The following CIT variants were observed in gnomAD, a reference collection of about 807,000 sequenced individuals.
CIT encodes the protein citron rho-interacting serine/threonine kinase.
CIT carries 79 observed loss-of-function variants against 272.7 expected under a neutral mutation model. That is an observed-to-expected ratio of 0.29 (90% confidence interval 0.24 to 0.35). The LOEUF (loss-of-function observed/expected upper bound fraction) is 0.35. CIT is among the 10% of genes least tolerant of loss of function. The pLI, the probability that CIT is intolerant of heterozygous loss-of-function variation, is 1.00. For synonymous variants in CIT, 948 were observed against 995.6 expected (o/e 0.95, Z 0.90); for missense variants, 1,909 against 2,618.3 (o/e 0.73, Z 5.91).
At chr12:119,803,625 G>A (rs941594192) in intron 9 of CIT, 1 of 367,924 alleles carries the variant, frequency 2.7e-6, no homozygotes, top group Non-Finnish European at 4.9e-6. Flanking sequence ...AAACTGAAGA[G>A]CAAACTCAAA....
At chr12:119,708,145 C>A in intron 40 of CIT, 34 bp downstream of exon 40, 1 of 1,472,652 alleles carries the variant, frequency 6.8e-7, no homozygotes, top group Admixed American at 2.4e-5. Context: ...ATTTCCAGAA[C>A]ATTCCACCAG....
In CIT at chr12:119,782,617, C is replaced by T. The variant is rs1400425835; in HGVS notation, c.1566G>A (p.Glu522=). ...CCTGGGACACCTCCATCCGTGCTTG[C>T]TCCAAACTTCGCTTTAAGCTCTGCA... ...TECSSLKRSL[E]QARMEVSQED... The change falls in exon 13 of 48, where the codon GAG becomes GAA. Residue 522 remains glutamate, a synonymous_variant. Coordinates refer to ENST00000392521, the MANE Select transcript of CIT (RefSeq NM_001206999.2). 1.2e-6 allele frequency: 2 copies of T among 1,614,094 alleles called. No individual in the cohort carries two copies. Among genetic ancestry groups the T allele is most frequent in the African/African-American group, 2.7e-5 (2 of 74,942 alleles).
chr12:119,830,231 T>TATTC (rs1968511382), intron 7 of CIT, among the ~76,000 whole-genome samples: 1 of 151,516 alleles, frequency 6.6e-6, no homozygotes, highest in Non-Finnish European at 1.5e-5. Flanking sequence ...AGAGAGGCAA[T>TATTC]ATTCTCAAGT....
At chr12:119,800,425 T>TA in intron 10 of CIT, among the ~76,000 whole-genome samples, 1 of 152,238 alleles carries the variant, frequency 6.6e-6, no homozygotes, top group East Asian at 1.9e-4. Context: ...CTCAATGGCT[T>TA]AAAAATAGTC....
chr12:119,792,819 G>A (rs1025284799), intron 10 of CIT, among the ~76,000 whole-genome samples: 3 of 152,102 alleles, frequency 2.0e-5, no homozygotes, highest in Admixed American at 6.5e-5. Flanking sequence ...AATGGTGGCC[G>A]GGTGTGGTGG....
At chr12:119,711,698 C>G (rs1215758746) in intron 37 of CIT, among the ~76,000 whole-genome samples, 1 of 152,186 alleles carries the variant, frequency 6.6e-6, no homozygotes, top group Non-Finnish European at 1.5e-5. Context: ...CTCTGTTGCC[C>G]AGGCTGGAGT....
chr12:119,759,465 G>C (rs759913427), intron 20 of CIT, among the ~76,000 whole-genome samples: 1 of 152,152 alleles, frequency 6.6e-6, no homozygotes, highest in Non-Finnish European at 1.5e-5. Context: ...GGCCAACATG[G>C]AGAAATGCTG....
At chr12:119,783,842 A>G in intron 12 of CIT, 66 bp downstream of exon 12, 1 of 1,503,090 alleles carries the variant, frequency 6.7e-7, no homozygotes, top group Non-Finnish European at 8.9e-7. Flanking sequence ...CCATCATGAA[A>G]CAGGATGAGA....
At chr12:119,788,566 C>G (rs146340751) in intron 10 of CIT, among the ~76,000 whole-genome samples, 11 of 152,240 alleles carry the variant, frequency 7.2e-5, no homozygotes, top group Admixed American at 7.2e-4. Context: ...TAGGATGTGG[C>G]GTGAAAAACT....
chr12:119,804,119 G>T lies in CIT; in HGVS notation c.1112-730C>A. The T allele has an allele frequency of 9.3e-6, 9 of 969,590 alleles. No individual in the cohort carries two copies. Among genetic ancestry groups the T allele is most frequent in the South Asian group, 4.8e-5 (1 of 20,940 alleles). 60.1% of individuals were successfully genotyped at this position (969,590 alleles called of 1,614,324 possible). The stretch of plus-strand genomic sequence containing the variant: ...TACCGGTGATCTACAGCACCCCTGC[G>T]CGCTGACGGTGGGAATGCACGGATG... On this transcript the variant is annotated intron_variant, in intron 9 of 47. Coordinates refer to ENST00000392521, the MANE Select transcript of CIT (RefSeq NM_001206999.2). This position sits in a 1 kb window ranked among gnomAD's most constrained non-coding sequence, Gnocchi z 5.3.
Position 119,694,749 on chromosome 12 carries a change from G to A in CIT, c.5882+2910C>T, listed in dbSNP as rs1330175597. On this transcript the variant is annotated intron_variant, in intron 46 of 47. Transcript: ENST00000392521. The surrounding 1 kb of genome is among the most constrained non-coding windows in gnomAD (Gnocchi z 4.5). ...TTGAGCCCAGGAGGCGGAGGTTGCAGTGAGCCGAGATCACGCCACTGTGCT... is the reference window on the plus strand; with the variant it reads ...TTGAGCCCAGGAGGCGGAGGTTGCAATGAGCCGAGATCACGCCACTGTGCT... 6.6e-6 allele frequency among the ~76,000 whole-genome samples: 1 copy of A among 152,152 alleles called. No individual in the cohort carries two copies. Among genetic ancestry groups the A allele is most frequent in the African/African-American group, 2.4e-5 (1 of 41,418 alleles).
intron 24 of CIT, among the ~76,000 whole-genome samples, chr12:119,736,350 G>A (rs1388984187): frequency 6.7e-6 from 1 of 149,748 alleles, no homozygotes; most frequent in African/African-American, 2.4e-5. Flanking sequence ...TTGCTTTCAT[G>A]ACTAATTCCC....
intron 46 of CIT, among the ~76,000 whole-genome samples, chr12:119,696,100 T>C (rs1289080817): frequency 6.6e-6 from 1 of 152,148 alleles, no homozygotes; most frequent in Non-Finnish European, 1.5e-5. Flanking sequence ...AAAAAATTGG[T>C]TCCTTCCCAG....
intron 10 of CIT, among the ~76,000 whole-genome samples, chr12:119,796,562 GA>G (rs1167850126): frequency 1.3e-5 from 2 of 152,228 alleles, no homozygotes; most frequent in African/African-American, 4.8e-5. Context: ...CTTACTGAGT[GA>G]GCGAGTGGGT....
At chr12:119,729,007 G>C (rs1307793288) in intron 27 of CIT, among the ~76,000 whole-genome samples, 1 of 152,176 alleles carries the variant, frequency 6.6e-6, no homozygotes, top group Non-Finnish European at 1.5e-5. Flanking sequence ...CCCATAACTA[G>C]ACATGTATGC....
intron 12 of CIT, 34 bp downstream of exon 12, chr12:119,783,874 C>A (rs1032563525): frequency 6.5e-7 from 1 of 1,542,228 alleles, no homozygotes; most frequent in African/African-American, 1.4e-5. Flanking sequence ...GGAAGTGCCA[C>A]CTCCAAGGGA....
chr12:119,823,051 C>G (rs1284472890), intron 8 of CIT, 78 bp from the exon 9 acceptor site: 18 of 1,409,550 alleles, frequency 1.3e-5, no homozygotes, highest in Non-Finnish European at 1.7e-5. Context: ...GAAAGTATTT[C>G]TCATATATGC....
intron 4 of CIT, among the ~76,000 whole-genome samples, chr12:119,857,146 C>A (rs1950194922): frequency 6.6e-6 from 1 of 152,198 alleles, no homozygotes; most frequent in Non-Finnish European, 1.5e-5. Context: ...AATCCATATG[C>A]CCACAACACA....
At chr12:119,714,086 G>T (rs184584571) in intron 33 of CIT, 111 bp downstream of exon 33, 52 of 1,285,560 alleles carry the variant, frequency 4.0e-5, no homozygotes, top group Non-Finnish European at 5.2e-5. Context: ...TAAGAAGCTC[G>T]AAAATGAATG....
Sources: allele counts gnomAD v4.1 joint callset (sites outside exome capture counted in the v4.1 genomes callset), GRCh38; gene constraint gnomAD v4.1.1; non-coding constraint Gnocchi (gnomAD v3.1); transcripts MANE v1.5; gene names NCBI Gene and HGNC (gene_info 2026-07-23, HGNC 2026-07-21).